IFT140: variants seen among roughly 807,000 people sequenced by gnomAD.
The protein encoded by IFT140 is intraflagellar transport protein 140 homolog.
IFT140 carries 133 observed loss-of-function variants against 164.6 expected under a neutral mutation model. That is an observed-to-expected ratio of 0.81 (90% CI 0.70 to 0.93). IFT140 has a LOEUF of 0.93. Ranked by LOEUF, IFT140 falls within the 40% of genes least tolerant of loss-of-function variation. The probability of loss-of-function intolerance (pLI) is 0.00; values close to 1 mark genes in which losing one functional copy is unlikely to be tolerated. For synonymous variants in IFT140, 860 were observed against 817.3 expected, an observed-to-expected ratio of 1.05 and a Z score of -0.89; for missense variants, 2,045 against 1,972.3, an observed-to-expected ratio of 1.04 and a Z score of -0.70.
chr16:1,519,986 T>C lies in IFT140; in HGVS notation c.3935A>G (p.Lys1312Arg), dbSNP rs753810506. ...KAHGALTEAY[K>R]CLAKAKAKSP... is the part of the protein sequence containing the mutation. ...CTTGGCCTTGGCCTTGGCCAGGCACTTGTAGGCCTCGGTCAGCGCCCCGTG... is the reference window on the plus strand; with the variant it reads ...CTTGGCCTTGGCCTTGGCCAGGCACCTGTAGGCCTCGGTCAGCGCCCCGTG... Residue 1312 changes from lysine to arginine, a missense_variant, in exon 29 of 31, where the codon AAG becomes AGG. Lys to Arg is a conservative substitution (Grantham distance 26). Coordinates refer to ENST00000426508, the MANE Select transcript of IFT140 (RefSeq NM_014714.4). The C allele has an allele frequency of 1.9e-6, 3 of 1,607,036 alleles. No individual in the cohort carries two copies. The highest frequency in any genetic ancestry group is 2.5e-6 in the Non-Finnish European group (3 of 1,177,206).
At position 1,520,757 on chromosome 16, in the gene IFT140, C is replaced by T; in HGVS notation, c.3505G>A (p.Glu1169Lys). 1 of 1,609,124 alleles carries T rather than the reference C, an allele frequency of 6.2e-7. No homozygotes were observed. The highest frequency in any genetic ancestry group is 1.1e-5 in the South Asian group (1 of 91,018). ...GCCACGGTCATCTTTTCCGCCATCTCCTCGGTGATGCTCATGTTCTGCCCC... is the reference window on the plus strand; with the variant it reads ...GCCACGGTCATCTTTTCCGCCATCTTCTCGGTGATGCTCATGTTCTGCCCC... ...CLGQNMSITE[E>K]MAEKMTVAKD... Residue 1169 changes from glutamate (E) to lysine (K), a missense_variant, in exon 27 of 31, where the codon GAG (glutamate) becomes AAG (lysine). Glu to Lys is a moderately conservative substitution (Grantham distance 56). Coordinates refer to ENST00000426508, the MANE Select transcript of IFT140 (RefSeq NM_014714.4).
At chr16:1,560,651 C>T (rs959382636) in intron 18 of IFT140, among the ~76,000 whole-genome samples, 7 of 152,200 alleles carry the variant, frequency 4.6e-5, no homozygotes, top group African/African-American at 1.7e-4. Context: ...CCTGTCCTTC[C>T]CCTTCTCGGA....
chr16:1,587,117 T>G (rs1567406566), intron 9 of IFT140, 81 bp downstream of exon 9: 3 of 895,432 alleles, frequency 3.4e-6, no homozygotes, highest in Non-Finnish European at 5.6e-6. Flanking sequence ...AGCCTCCACG[T>G]TTCACTACCA....
intron 13 of IFT140, among the ~76,000 whole-genome samples, chr16:1,572,027 G>A (rs530699866): frequency 4.6e-5 from 7 of 152,278 alleles, no homozygotes; most frequent in Middle Eastern, 3.4e-3. Context: ...TGGGTGAGGC[G>A]GTGGGGGAGA....
intron 14 of IFT140, among the ~76,000 whole-genome samples, chr16:1,570,375 C>T (rs1434586871): frequency 6.6e-6 from 1 of 152,166 alleles, no homozygotes; most frequent in Non-Finnish European, 1.5e-5. Flanking sequence ...ATGCTGACAC[C>T]TCTACCTCTG....
intron 14 of IFT140, among the ~76,000 whole-genome samples, chr16:1,570,692 T>C (rs941804788): frequency 2.6e-5 from 4 of 152,242 alleles, no homozygotes; most frequent in Non-Finnish European, 5.9e-5. Context: ...AGCTGTTTCA[T>C]ACATTTGGTA....
At chr16:1,561,006 G>A (rs529587605) in intron 18 of IFT140, among the ~76,000 whole-genome samples, 8 of 152,236 alleles carry the variant, frequency 5.3e-5, no homozygotes, top group Non-Finnish European at 8.8e-5. Context: ...GGAAGCTGGT[G>A]GCCCCCTGCC....
At chr16:1,534,470 C>T (rs746825027) in intron 19 of IFT140, 66 of 1,610,854 alleles carry the variant, frequency 4.1e-5, no homozygotes, top group Non-Finnish European at 5.0e-5. Context: ...GGGCCAGAGC[C>T]GGCCAGGTGG....
chr16:1,542,116 C>T, intron 19 of IFT140: 2 of 1,531,156 alleles, frequency 1.3e-6, no homozygotes, highest in Admixed American at 2.0e-5. Context: ...GCCCTTGCCC[C>T]CTGTGGCCTT....
In IFT140 at chr16:1,511,170, AT is replaced by A. The variant is rs1567313350; in HGVS notation, c.4183-21del. The A allele has an allele frequency of 6.3e-7, 1 of 1,584,594 alleles. No homozygotes were observed. Among genetic ancestry groups the A allele is most frequent in the East Asian group, 2.3e-5 (1 of 43,954 alleles). Reference sequence around the variant, plus strand: ...GTAGGCCTGGGGCAGAGGAGCAGACATTACTCAGCTTTCCTGAACAACCAGG... The same window carrying A: ...GTAGGCCTGGGGCAGAGGAGCAGACATACTCAGCTTTCCTGAACAACCAGG... On this transcript the variant is annotated intron_variant, in intron 30 of 30. Coordinates refer to ENST00000426508, the MANE Select transcript of IFT140 (RefSeq NM_014714.4).
chr16:1,534,499 C>A (rs371456439), intron 19 of IFT140: 2 of 1,609,326 alleles, frequency 1.2e-6, no homozygotes, highest in South Asian at 2.2e-5. Flanking sequence ...GACTGTGAGG[C>A]GCTGGGCTGG....
In IFT140 at chr16:1,553,735, A is replaced by G; in HGVS notation, c.2399+4200T>C. On this transcript the variant is annotated intron_variant, in intron 19 of 30. Transcript: ENST00000426508. This position sits in a 1 kb window ranked among gnomAD's most constrained non-coding sequence, Gnocchi z 4.4. ...CAGGACAATCTGTGGCCACATCCCC[A>G]TGGCTGTAGGGGATGAGGAGGGGCA... 8.8e-7 allele frequency: 1 copy of G among 1,139,176 alleles called. No homozygotes were observed. Among genetic ancestry groups the G allele is most frequent in the Non-Finnish European group, 1.1e-6 (1 of 914,322 alleles). 70.6% of individuals were successfully genotyped at this position (1,139,176 alleles called of 1,614,324 possible). A position where few individuals can be genotyped will look rare whatever the true frequency, so the allele number is the denominator to read the frequency against.
intron 30 of IFT140, 130 bp from the exon 31 acceptor site, chr16:1,511,280 G>A (rs866143502): frequency 5.4e-5 from 43 of 796,138 alleles, no homozygotes; most frequent in Middle Eastern, 5.7e-4. Flanking sequence ...GACACGGGGT[G>A]CACTGAGGCT....
intron 30 of IFT140, among the ~76,000 whole-genome samples, chr16:1,513,656 G>C (rs1350447766): frequency 1.3e-5 from 2 of 149,792 alleles, no homozygotes; most frequent in African/African-American, 5.0e-5. Context: ...CAGGCTTCCT[G>C]CTTCTCACAA....
In IFT140 at chr16:1,554,836, A is replaced by C. The variant is rs1411777153; in HGVS notation, c.2399+3099T>G. ...TTCTACAGAATTGGCCCATACACCA[A>C]CCTGTCCTGGTCCTGCTACCTGAAC... On this transcript the variant is annotated intron_variant, in intron 19 of 30. Coordinates refer to ENST00000426508, the MANE Select transcript of IFT140 (RefSeq NM_014714.4). The C allele has an allele frequency of 2.5e-6, 4 of 1,614,030 alleles. No individual in the cohort carries two copies. In the South Asian group the frequency reaches 4.4e-5, roughly 18 times the overall value.
chr16:1,592,804 C>T (rs2035255628), intron 4 of IFT140, among the ~76,000 whole-genome samples: 1 of 143,172 alleles, frequency 7.0e-6, no homozygotes, highest in African/African-American at 2.7e-5. Context: ...ACACGGTGCC[C>T]AGCACTGACC....
chr16:1,519,823 GC>G, intron 29 of IFT140, 57 bp downstream of exon 29: 2 of 1,468,934 alleles, frequency 1.4e-6, no homozygotes, highest in Non-Finnish European at 1.8e-6. Context: ...CTCGTGGTCA[GC>G]CCCGGCCCTG....
chr16:1,541,640 A>G (rs2031647164), intron 19 of IFT140: 1 of 385,106 alleles, frequency 2.6e-6, no homozygotes, highest in South Asian at 1.1e-4. Context: ...TCAGGAAGAC[A>G]GAAATAGCAG....
intron 30 of IFT140, 40 bp from the exon 31 acceptor site, chr16:1,511,190 A>G (rs375033561): frequency 1.3e-6 from 2 of 1,526,122 alleles, no homozygotes; most frequent in Non-Finnish European, 1.8e-6. Flanking sequence ...TTTCCTGAAC[A>G]ACCAGGCACG....
Sources: allele counts gnomAD v4.1 joint callset (sites outside exome capture counted in the v4.1 genomes callset), GRCh38; gene constraint gnomAD v4.1.1; non-coding constraint Gnocchi (gnomAD v3.1); transcripts MANE v1.5; gene names NCBI Gene and HGNC (gene_info 2026-07-23, HGNC 2026-07-21).